The following CACNA1A variants were observed in gnomAD, a reference collection of about 807,000 sequenced individuals.
CACNA1A encodes the protein calcium voltage-gated channel subunit alpha1 A.
Under a neutral mutation model 262.4 loss-of-function variants are expected in CACNA1A, and 57 were observed. That is an observed-to-expected ratio of 0.22 (90% confidence interval 0.18 to 0.27). The LOEUF (loss-of-function observed/expected upper bound fraction) is 0.27. Among genes scored for constraint, CACNA1A ranks in the 10% least tolerant of loss-of-function variants. The probability of loss-of-function intolerance (pLI) is 1.00; values close to 1 mark genes in which losing one functional copy is unlikely to be tolerated. For missense variants in CACNA1A, 2,526 were observed against 3,562.8 expected, an observed-to-expected ratio of 0.71 and a Z score of 7.41; for synonymous variants, 1,431 against 1,419.3, an observed-to-expected ratio of 1.01 and a Z score of -0.18.
In CACNA1A at chr19:13,212,402, G is replaced by A. The variant is rs2144524514; in HGVS notation, c.6171C>T (p.Asn2057=). Residue 2057 remains asparagine (N), a synonymous_variant, in exon 42 of 47, where the codon AAC becomes AAT. Transcript: ENST00000360228. This position sits in a 1 kb window ranked among gnomAD's most constrained non-coding sequence, Gnocchi z 5.6. ...GAGGCACCTGAGAGTTAGGCTGGCT[G>A]TTGGGCATGTCGGTAGGGGGGCCTT... The part of the protein sequence containing the change: ...PEQGPPTDMP[N]SQPNSQSVEM... The A allele has an allele frequency of 6.2e-7, 1 of 1,613,714 alleles. No individual in the cohort carries two copies. Among genetic ancestry groups the A allele is most frequent in the East Asian group, 2.2e-5 (1 of 44,884 alleles).
chr19:13,312,102 GAGA>G (rs913008171), intron 12 of CACNA1A, among the ~76,000 whole-genome samples: 18 of 152,290 alleles, frequency 1.2e-4, no homozygotes, highest in Admixed American at 3.9e-4. Context: ...CTGGTTCGAT[GAGA>G]AGGATTGGAC....
intron 6 of CACNA1A, among the ~76,000 whole-genome samples, chr19:13,340,207 C>T (rs1033089925): frequency 1.3e-5 from 2 of 152,072 alleles, no homozygotes; most frequent in African/African-American, 4.8e-5. Flanking sequence ...GCAGCCCGTC[C>T]ATCTCAGGTG....
At chr19:13,446,469 T>C (rs2060815911) in intron 3 of CACNA1A, among the ~76,000 whole-genome samples, 1 of 134,972 alleles carries the variant, frequency 7.4e-6, no homozygotes. Flanking sequence ...TGAGACAGAG[T>C]CTCACTCTGT....
intron 19 of CACNA1A, among the ~76,000 whole-genome samples, chr19:13,292,585 G>A (rs2057567864): frequency 6.6e-6 from 1 of 151,978 alleles, no homozygotes; most frequent in Non-Finnish European, 1.5e-5. Flanking sequence ...CTGTACTCCG[G>A]GGCCTGGATG....
At chr19:13,361,403 T>C (rs545468454) in intron 5 of CACNA1A, among the ~76,000 whole-genome samples, 31 of 152,254 alleles carry the variant, frequency 2.0e-4, no homozygotes, top group African/African-American at 6.5e-4. Context: ...TCTGGGAGTG[T>C]CCTCATTTTA....
chr19:13,401,021 G>C (rs1176076706), intron 3 of CACNA1A, among the ~76,000 whole-genome samples: 3 of 152,004 alleles, frequency 2.0e-5, no homozygotes, highest in South Asian at 4.2e-4. Flanking sequence ...ACAGGGTTTT[G>C]CCATGTTGGC....
Position 13,231,703 on chromosome 19 carries a change from G to C in CACNA1A, c.5400+7C>G. On this transcript the variant is annotated splice_region_variant and intron_variant, in intron 35 of 46. Coordinates refer to ENST00000360228, the MANE Select transcript of CACNA1A (RefSeq NM_001127222.2). ...CCAGACGGCCCTCACAGTGTCCACAGACTCACCAGAAACGAGCAGAGGAAG... is the reference window on the plus strand; with the variant it reads ...CCAGACGGCCCTCACAGTGTCCACACACTCACCAGAAACGAGCAGAGGAAG... The C allele has an allele frequency of 6.2e-7, 1 of 1,607,532 alleles. No individual in the cohort carries two copies. Among genetic ancestry groups the C allele is most frequent in the Non-Finnish European group, 8.5e-7 (1 of 1,176,914 alleles).
intron 19 of CACNA1A, among the ~76,000 whole-genome samples, chr19:13,296,457 C>T (rs1296659631): frequency 6.6e-6 from 1 of 152,218 alleles, no homozygotes; most frequent in East Asian, 1.9e-4. Flanking sequence ...ACTATAGCAT[C>T]TGCTAGAAAG....
intron 3 of CACNA1A, among the ~76,000 whole-genome samples, chr19:13,419,499 A>C (rs910872940): frequency 6.6e-6 from 1 of 152,012 alleles, no homozygotes; most frequent in African/African-American, 2.4e-5. Context: ...TAACATAGGG[A>C]GACCCCACCT....
intron 24 of CACNA1A, 100 bp downstream of exon 24, chr19:13,275,750 C>G (rs1245214308): frequency 2.4e-6 from 2 of 819,452 alleles, no homozygotes; most frequent in Non-Finnish European, 4.1e-6. Flanking sequence ...CCCACACACC[C>G]CATCCCTAGA....
chr19:13,350,288 G>A (rs879463927), intron 6 of CACNA1A, among the ~76,000 whole-genome samples: 2 of 152,168 alleles, frequency 1.3e-5, no homozygotes, highest in Admixed American at 6.5e-5. Flanking sequence ...AGCCAGACAC[G>A]GATGGTGAGA....
At chr19:13,209,836 C>T (rs2054738201) in intron 44 of CACNA1A, among the ~76,000 whole-genome samples, 1 of 152,136 alleles carries the variant, frequency 6.6e-6, no homozygotes, top group South Asian at 2.1e-4. Context: ...TCAGGCTGGC[C>T]AGAGGGAAGC....
chr19:13,230,995 TTTTTTTG>T (rs1481874323), intron 35 of CACNA1A, among the ~76,000 whole-genome samples: 4 of 131,216 alleles, frequency 3.0e-5, no homozygotes, highest in African/African-American at 1.2e-4. Context: ...ATGTTTTTTT[TTTTTTTG>T]TTTGTTTTTG....
chr19:13,496,717 T>C (rs1279916109), intron 1 of CACNA1A, among the ~76,000 whole-genome samples: 1 of 152,176 alleles, frequency 6.6e-6, no homozygotes, highest in African/African-American at 2.4e-5. Flanking sequence ...TATTAACACT[T>C]ATGCAGCACC....
chr19:13,454,591 C>T (rs1479551488), intron 2 of CACNA1A, among the ~76,000 whole-genome samples: 1 of 152,034 alleles, frequency 6.6e-6, no homozygotes, highest in East Asian at 1.9e-4. Flanking sequence ...AGGATGGTCT[C>T]GAACTCTTGA....
chr19:13,415,294 A>G (rs1165141321), intron 3 of CACNA1A, among the ~76,000 whole-genome samples: 1 of 151,980 alleles, frequency 6.6e-6, no homozygotes, highest in African/African-American at 2.4e-5. Flanking sequence ...AGATAGACGC[A>G]ATCCCTGCAT....
At chr19:13,282,516 C>T (rs2057315147) in intron 22 of CACNA1A, among the ~76,000 whole-genome samples, 1 of 152,036 alleles carries the variant, frequency 6.6e-6, no homozygotes, top group African/African-American at 2.4e-5. Flanking sequence ...GCTATGCACA[C>T]CCATCCGTAG....
intron 1 of CACNA1A, among the ~76,000 whole-genome samples, chr19:13,461,122 C>T (rs1256222491): frequency 6.6e-6 from 1 of 151,966 alleles, no homozygotes; most frequent in African/African-American, 2.4e-5. Context: ...GGTGGATCAC[C>T]AGAGGTCAGG....
chr19:13,336,631 GAGAGAGAGAA>G (rs1379192386), intron 6 of CACNA1A, among the ~76,000 whole-genome samples: 105 of 147,102 alleles, frequency 7.1e-4, no homozygotes, highest in African/African-American at 2.6e-3. Flanking sequence ...GAGAGAGAGA[GAGAGAGAGAA>G]AAGAATGATA....
Sources: gnomAD v4.1 joint callset for allele counts (sites outside exome capture counted in the v4.1 genomes callset) on GRCh38, gnomAD v4.1.1 for gene constraint, Gnocchi (gnomAD v3.1) non-coding constraint, MANE v1.5 for transcripts, NCBI Gene and HGNC (gene_info 2026-07-23, HGNC 2026-07-21) for gene names.